GTF2IRD1: variants seen among roughly 807,000 people sequenced by gnomAD.
The protein encoded by GTF2IRD1 is general transcription factor II-I repeat domain-containing protein 1.
GTF2IRD1 carries 26 observed loss-of-function variants against 113.2 expected under a neutral mutation model. The observed-to-expected ratio is 0.23, with a 90% CI of 0.17 to 0.32. The LOEUF (loss-of-function observed/expected upper bound fraction) is 0.32, where lower values mean the gene tolerates loss of function less well. Among genes scored for constraint, GTF2IRD1 ranks in the 10% least tolerant of loss-of-function variants. The pLI, the probability that GTF2IRD1 is intolerant of heterozygous loss-of-function variation, is 1.00. For missense variants in GTF2IRD1, 864 were observed against 1,280.8 expected (o/e 0.67, Z 4.97); for synonymous variants, 484 against 529.1 (o/e 0.91, Z 1.17).
chr7:74,472,881 A>G (rs1323497716), intron 1 of GTF2IRD1, among the ~76,000 whole-genome samples: 1 of 152,244 alleles, frequency 6.6e-6, no homozygotes, highest in African/African-American at 2.4e-5. Flanking sequence ...GAGGCTGGAC[A>G]GGCCCAAGCT....
chr7:74,483,228 T>C (rs565747597), intron 1 of GTF2IRD1, among the ~76,000 whole-genome samples: 1 of 152,076 alleles, frequency 6.6e-6, no homozygotes, highest in African/African-American at 2.4e-5. Context: ...TTTTCCAAAG[T>C]GTTTGAAGTT....
chr7:74,563,786 C>T (rs1354713300), intron 22 of GTF2IRD1, among the ~76,000 whole-genome samples: 3 of 150,590 alleles, frequency 2.0e-5, no homozygotes, highest in Non-Finnish European at 4.4e-5. Flanking sequence ...CTCAGGAGGC[C>T]GAAGCAGGAG....
intron 1 of GTF2IRD1, among the ~76,000 whole-genome samples, chr7:74,467,955 A>G (rs1554331340): frequency 6.6e-6 from 1 of 152,092 alleles, no homozygotes. Flanking sequence ...GGCTATTTAG[A>G]CACACATGCT....
rs190647793 is a variant in GTF2IRD1 at position 74,600,006 on chromosome 7, G to A, written c.2630-1038G>A. 1.4e-3 allele frequency among the ~76,000 whole-genome samples: 210 copies of A among 152,300 alleles called. 1 individual carries two copies. The highest frequency in any genetic ancestry group is 8.1e-4 in the Non-Finnish European group (55 of 68,028). ...AGTCCTTTAACAGCCCTGCCCCTTC[G>A]GGTGCTCGTGAGTGAAATGTGAATA... On this transcript the variant is annotated intron_variant, in intron 25 of 26. Transcript: ENST00000424337.
chr7:74,566,790 C>A (rs1800346263), intron 22 of GTF2IRD1, among the ~76,000 whole-genome samples: 1 of 152,172 alleles, frequency 6.6e-6, no homozygotes, highest in Admixed American at 6.6e-5. Context: ...AGATTTGAAC[C>A]TAAGTCTTTA....
At chr7:74,491,112 T>C (rs995444309) in intron 1 of GTF2IRD1, among the ~76,000 whole-genome samples, 28 of 151,916 alleles carry the variant, frequency 1.8e-4, no homozygotes, top group African/African-American at 6.0e-4. Context: ...TCAAGACCAT[T>C]CTGGCCAACA....
At chr7:74,497,740 T>C (rs930888581) in intron 1 of GTF2IRD1, among the ~76,000 whole-genome samples, 3 of 152,022 alleles carry the variant, frequency 2.0e-5, no homozygotes, top group Non-Finnish European at 4.4e-5. Flanking sequence ...GTTTCACTCT[T>C]GTTGCCCCGC....
intron 1 of GTF2IRD1, among the ~76,000 whole-genome samples, chr7:74,494,134 G>A (rs904683750): frequency 6.6e-6 from 1 of 152,210 alleles, no homozygotes; most frequent in African/African-American, 2.4e-5. Flanking sequence ...AGTTGTCTGA[G>A]CTCAGCCAGA....
intron 1 of GTF2IRD1, among the ~76,000 whole-genome samples, chr7:74,473,853 G>A (rs1450629116): frequency 6.6e-6 from 1 of 152,106 alleles, no homozygotes; most frequent in Non-Finnish European, 1.5e-5. Context: ...GGCTCACGCC[G>A]AGCTGGGCGG....
chr7:74,492,243 T>C (rs1377221407), intron 1 of GTF2IRD1, among the ~76,000 whole-genome samples: 3 of 151,426 alleles, frequency 2.0e-5, no homozygotes, highest in African/African-American at 7.3e-5. Flanking sequence ...TGATCTCGGC[T>C]CACCGCAAGC....
At chr7:74,556,183 C>T (rs1394946291) in intron 19 of GTF2IRD1, among the ~76,000 whole-genome samples, 7 of 150,408 alleles carry the variant, frequency 4.7e-5, no homozygotes, top group African/African-American at 7.3e-5. Context: ...ACCTGGGAGG[C>T]GGAGATTGCA....
In GTF2IRD1 at chr7:74,512,853, C is replaced by T. The variant is rs565790840; in HGVS notation, c.147C>T (p.Asn49=). 3.2e-5 allele frequency: 51 copies of T among 1,614,046 alleles called. No homozygotes were observed. The highest frequency in any genetic ancestry group is 1.3e-4 in the South Asian group (12 of 91,082). The change falls in exon 3 of 27, where the codon AAC becomes AAT. Residue 49 remains asparagine (N), a synonymous_variant. Transcript: ENST00000424337. The surrounding 1 kb of genome is among the most constrained non-coding windows in gnomAD (Gnocchi z 4.4). ...DSMCSALSKL[N]AEVACVAVHD... ...AGTGCTCAGCGCTGTCCAAACTGAA[C>T]GCCGAGGTGGCCTGTGTCGCCGTGC...
intron 22 of GTF2IRD1, among the ~76,000 whole-genome samples, chr7:74,579,580 C>T (rs1374924292): frequency 8.0e-5 from 12 of 150,742 alleles, no homozygotes; most frequent in African/African-American, 1.5e-4. Context: ...ATCACGCCAC[C>T]GCACTCCACC....
At chr7:74,478,465 G>T (rs1170894723) in intron 1 of GTF2IRD1, among the ~76,000 whole-genome samples, 1 of 152,132 alleles carries the variant, frequency 6.6e-6, no homozygotes, top group Non-Finnish European at 1.5e-5. Context: ...GTGTGTGTGT[G>T]TGTGTTTAGA....
chr7:74,502,834 C>G (rs1377498385), intron 1 of GTF2IRD1, among the ~76,000 whole-genome samples: 2 of 152,186 alleles, frequency 1.3e-5, no homozygotes, highest in African/African-American at 2.4e-5. Flanking sequence ...CCAGGCCCTG[C>G]ACCTGGCTGG....
chr7:74,551,699 A>G (rs1310675585), intron 17 of GTF2IRD1, among the ~76,000 whole-genome samples: 17 of 152,114 alleles, frequency 1.1e-4, no homozygotes, highest in African/African-American at 4.1e-4. Context: ...GCACTTTGGG[A>G]GGCTGAGGCA....
At chr7:74,535,624 C>T (rs1053802813) in intron 10 of GTF2IRD1, among the ~76,000 whole-genome samples, 3 of 152,170 alleles carry the variant, frequency 2.0e-5, no homozygotes, top group Admixed American at 6.5e-5. Context: ...GAGGAAGATG[C>T]GGGCTCTTCC....
Position 74,555,075 on chromosome 7 carries a change from C to T in GTF2IRD1, c.1917-99C>T. On this transcript the variant is annotated intron_variant, in intron 17 of 26. Transcript: ENST00000424337. This position sits in a 1 kb window ranked among gnomAD's most constrained non-coding sequence, Gnocchi z 5.3. Reference sequence around the variant, plus strand: ...TGAACTATGCATAGCCAGAAGGGTCCATTGCAGGGCTGTGTAGACTGAGGC... The same window carrying T: ...TGAACTATGCATAGCCAGAAGGGTCTATTGCAGGGCTGTGTAGACTGAGGC... The T allele has an allele frequency of 9.5e-7, 1 of 1,051,406 alleles. No homozygotes were observed. The highest frequency in any genetic ancestry group is 1.5e-5 in the South Asian group (1 of 67,910). 65.1% of individuals were successfully genotyped at this position (1,051,406 alleles called of 1,614,324 possible). A position where few individuals can be genotyped will look rare whatever the true frequency, so the allele number is the denominator to read the frequency against.
chr7:74,461,402 T>C (rs1294088207), intron 1 of GTF2IRD1, among the ~76,000 whole-genome samples: 1 of 151,938 alleles, frequency 6.6e-6, no homozygotes, highest in Non-Finnish European at 1.5e-5. Context: ...GGTCTCAAGG[T>C]GCATTTTCTG....
Sources: gnomAD v4.1 joint callset for allele counts (sites outside exome capture counted in the v4.1 genomes callset) on GRCh38, gnomAD v4.1.1 for gene constraint, Gnocchi (gnomAD v3.1) non-coding constraint, MANE v1.5 for transcripts, NCBI Gene and HGNC (gene_info 2026-07-23, HGNC 2026-07-21) for gene names.